Variants in CCSER1 observed in about 807,000 individuals in gnomAD.
The protein encoded by CCSER1 is coiled-coil serine rich protein 1, also known as serine-rich coiled-coil domain-containing protein 1.
CCSER1 carries 41 observed loss-of-function variants against 82.0 expected under a neutral mutation model. The ratio of observed to expected loss-of-function variants is 0.50; its 90% confidence interval spans 0.39 to 0.65. CCSER1 has a LOEUF of 0.65. Among genes scored for constraint, CCSER1 ranks in the 30% least tolerant of loss-of-function variants. The pLI is 0.00. For synonymous variants in CCSER1, 414 were observed against 383.9 expected (o/e 1.08, Z -0.92); for missense variants, 1,119 against 1,064.2 (o/e 1.05, Z -0.72).
chr4:90,997,048 A>G (rs1055155694), intron 9 of CCSER1, among the ~76,000 whole-genome samples: 1 of 152,182 alleles, frequency 6.6e-6, no homozygotes, highest in Non-Finnish European at 1.5e-5. Context: ...TGGTGTATTC[A>G]CTTCCTGTTG....
intron 10 of CCSER1, among the ~76,000 whole-genome samples, chr4:91,313,723 C>T (rs531366196): frequency 2.3e-4 from 35 of 151,956 alleles, no homozygotes; most frequent in African/African-American, 8.2e-4. Context: ...TATGAGGAAG[C>T]TAGTCTGGAA....
chr4:91,598,790 C>G lies in CCSER1; in HGVS notation c.2436C>G (p.Thr812=), dbSNP rs551854517. The change falls in exon 11 of 11, where the codon ACC becomes ACG. Residue 812 remains threonine (T), a synonymous_variant. Coordinates refer to ENST00000509176, the MANE Select transcript of CCSER1 (RefSeq NM_001145065.2). The stretch of plus-strand genomic sequence containing the variant: ...AACATTCAAGAGGAACTTATGAAAC[C>G]CTCACTTCAGACGTTACACAGAACT... ...VIKHSRGTYE[T]LTSDVTQNLR... is the part of the protein sequence containing the mutation. 4.5e-6 allele frequency: 7 copies of G among 1,551,550 alleles called. No individual in the cohort carries two copies. The highest frequency in any genetic ancestry group is 6.1e-6 in the Non-Finnish European group (7 of 1,146,916).
intron 10 of CCSER1, among the ~76,000 whole-genome samples, chr4:91,306,520 T>A (rs1387354979): frequency 6.6e-6 from 1 of 152,076 alleles, no homozygotes; most frequent in African/African-American, 2.4e-5. Context: ...TTTACTAGCA[T>A]ATACCAATAG....
At chr4:90,647,002 T>A (rs1019048886) in intron 6 of CCSER1, among the ~76,000 whole-genome samples, 1 of 152,150 alleles carries the variant, frequency 6.6e-6, no homozygotes, top group Non-Finnish European at 1.5e-5. Context: ...TAGCCCAGGA[T>A]AAATGGTGTG....
chr4:90,541,915 T>C (rs892764004), intron 5 of CCSER1, among the ~76,000 whole-genome samples: 2 of 152,052 alleles, frequency 1.3e-5, no homozygotes, highest in African/African-American at 4.8e-5. Flanking sequence ...ATGAAACTTG[T>C]CACTTAATTT....
At chr4:91,451,501 T>C (rs1474503541) in intron 10 of CCSER1, among the ~76,000 whole-genome samples, 1 of 151,802 alleles carries the variant, frequency 6.6e-6, no homozygotes, top group Non-Finnish European at 1.5e-5. Context: ...TGTTGAACAT[T>C]CAAAGAAGTA....
At chr4:90,916,405 A>C (rs78571884) in intron 8 of CCSER1, among the ~76,000 whole-genome samples, 7,478 of 152,064 alleles carry the variant, frequency 0.049, 356 homozygotes, top group East Asian at 0.22. Context: ...CAAAAACAAG[A>C]AATGGGGAAA....
intron 4 of CCSER1, among the ~76,000 whole-genome samples, chr4:90,420,848 A>G (rs1313445626): frequency 6.6e-6 from 1 of 152,138 alleles, no homozygotes; most frequent in African/African-American, 2.4e-5. Context: ...AGTCAAAAGA[A>G]AAGATGTATT....
intron 9 of CCSER1, among the ~76,000 whole-genome samples, chr4:90,995,641 A>T (rs1737426019): frequency 6.6e-6 from 1 of 152,126 alleles, no homozygotes; most frequent in East Asian, 1.9e-4. Flanking sequence ...AAATTTTTTA[A>T]AGTTATATTA....
At chr4:90,195,561 G>A (rs1474475983) in intron 1 of CCSER1, among the ~76,000 whole-genome samples, 1 of 151,966 alleles carries the variant, frequency 6.6e-6, no homozygotes, top group Non-Finnish European at 1.5e-5. Context: ...CAAACCCATA[G>A]GATACGCAAG....
intron 10 of CCSER1, among the ~76,000 whole-genome samples, chr4:91,275,377 A>G (rs1742352582): frequency 6.6e-6 from 1 of 151,922 alleles, no homozygotes; most frequent in Non-Finnish European, 1.5e-5. Context: ...CTGGGTTAAA[A>G]TGATATTTCA....
chr4:91,159,939 G>A (rs1307967493), intron 10 of CCSER1, among the ~76,000 whole-genome samples: 4 of 151,840 alleles, frequency 2.6e-5, no homozygotes, highest in Non-Finnish European at 5.9e-5. Context: ...GGGTACAAGT[G>A]CACAATGTGC....
At chr4:91,220,267 G>A (rs1737628482) in intron 10 of CCSER1, among the ~76,000 whole-genome samples, 1 of 152,064 alleles carries the variant, frequency 6.6e-6, no homozygotes, top group South Asian at 2.1e-4. Flanking sequence ...TTTTTGTTTT[G>A]TTATTCTAGT....
chr4:91,173,530 G>T (rs1396305779), intron 10 of CCSER1, among the ~76,000 whole-genome samples: 1 of 149,692 alleles, frequency 6.7e-6, no homozygotes, highest in East Asian at 2.0e-4. Flanking sequence ...GGAGGTGGAG[G>T]TTGAAGTGAT....
At chr4:90,141,113 C>G (rs1560677619) in intron 1 of CCSER1, among the ~76,000 whole-genome samples, 1 of 151,688 alleles carries the variant, frequency 6.6e-6, no homozygotes, top group Non-Finnish European at 1.5e-5. Context: ...GCTTACATGA[C>G]TGAAATCTGT....
intron 10 of CCSER1, among the ~76,000 whole-genome samples, chr4:91,277,117 G>A (rs1742528033): frequency 6.6e-6 from 1 of 151,822 alleles, no homozygotes; most frequent in African/African-American, 2.4e-5. Flanking sequence ...TAGTTTTCTT[G>A]TTGCACTTTT....
intron 9 of CCSER1, among the ~76,000 whole-genome samples, chr4:90,925,524 G>C (rs1305675524): frequency 2.0e-5 from 3 of 152,066 alleles, no homozygotes; most frequent in Non-Finnish European, 4.4e-5. Flanking sequence ...TGTGAGAATT[G>C]GTTACTGAGG....
At chr4:90,314,837 CTTTTTTTTTTTTTTTTT>C (rs765931168) in intron 3 of CCSER1, among the ~76,000 whole-genome samples, 1 of 87,580 alleles carries the variant, frequency 1.1e-5, no homozygotes, top group African/African-American at 4.4e-5. Flanking sequence ...CTCAGATTTA[CTTTTTTTTTTTTTTTTT>C]TTTTTTTTTT....
chr4:90,910,348 A>C (rs1019726687), intron 8 of CCSER1, among the ~76,000 whole-genome samples: 7 of 152,196 alleles, frequency 4.6e-5, no homozygotes, highest in African/African-American at 1.7e-4. Context: ...TATCCTTTAC[A>C]TCTAGAATAT....
Sources: allele counts gnomAD v4.1 joint callset (sites outside exome capture counted in the v4.1 genomes callset), GRCh38; gene constraint gnomAD v4.1.1; transcripts MANE v1.5; gene names NCBI Gene and HGNC (gene_info 2026-07-23, HGNC 2026-07-21).